JMJD1C: variants seen among roughly 807,000 people sequenced by gnomAD.
JMJD1C encodes the protein jumonji domain-containing protein 1C.
A neutral mutation model predicts 245.3 loss-of-function variants in JMJD1C; 31 were observed. The observed-to-expected ratio is 0.13, with a 90% CI of 0.09 to 0.17. The LOEUF (loss-of-function observed/expected upper bound fraction) is 0.17. JMJD1C is among the 10% of genes least tolerant of loss of function. The pLI is 1.00. For synonymous variants in JMJD1C, 1,057 were observed against 1,017.4 expected, an observed-to-expected ratio of 1.04 and a Z score of -0.74; for missense variants, 2,691 against 3,000.2, an observed-to-expected ratio of 0.90 and a Z score of 2.41.
chr10:63,267,964 A>T (rs556446976), intron 2 of JMJD1C, among the ~76,000 whole-genome samples: 2 of 152,136 alleles, frequency 1.3e-5, no homozygotes, highest in Non-Finnish European at 2.9e-5. Context: ...AAACATTTTT[A>T]AAATAAATCA....
intron 2 of JMJD1C, among the ~76,000 whole-genome samples, chr10:63,266,846 C>G (rs941618741): frequency 2.0e-5 from 3 of 152,082 alleles, no homozygotes; most frequent in Admixed American, 1.3e-4. Context: ...CCTATGAGAC[C>G]TAGTCATTTT....
intron 1 of JMJD1C, among the ~76,000 whole-genome samples, chr10:63,510,106 A>T (rs1426166759): frequency 6.6e-6 from 1 of 151,586 alleles, no homozygotes; most frequent in Non-Finnish European, 1.5e-5. Context: ...AGGTTCACAA[A>T]ATTCTCCTGC....
In JMJD1C at chr10:63,208,572, C is replaced by G; in HGVS notation, c.3097G>C (p.Ala1033Pro). ...RRILQESIDV[A>P]PFTTKIKGLE... ...CCCTTGATTTTAGTTGTAAAGGGAG[C>G]AACATCAATACTTTCTTGAAGAATT... is the stretch of plus-strand genomic sequence containing the variant. The change falls in exon 10 of 26, where the codon GCT (alanine) becomes CCT (proline). Residue 1033 changes from alanine (A) to proline (P), a missense_variant. This residue lies in a region of JMJD1C where 1,562 missense variants were observed against 1,490.7 expected (regional missense o/e 1.05). Transcript: ENST00000399262. 2 of 1,613,966 alleles carry G rather than the reference C, an allele frequency of 1.2e-6. No homozygotes were observed. Among genetic ancestry groups the G allele is most frequent in the Non-Finnish European group, 1.7e-6 (2 of 1,179,870 alleles).
intron 2 of JMJD1C, among the ~76,000 whole-genome samples, chr10:63,340,606 A>G (rs1251300353): frequency 6.6e-6 from 1 of 152,208 alleles, no homozygotes; most frequent in Non-Finnish European, 1.5e-5. Context: ...CTTACAAAAC[A>G]GTATGGTGCT....
intron 3 of JMJD1C, among the ~76,000 whole-genome samples, chr10:63,251,434 TGAAA>T (rs1371574666): frequency 6.6e-6 from 1 of 152,224 alleles, no homozygotes; most frequent in Non-Finnish European, 1.5e-5. Context: ...AGTGCAAATG[TGAAA>T]GATTCCTCAT....
chr10:63,303,020 A>G (rs1208058895), intron 2 of JMJD1C, among the ~76,000 whole-genome samples: 1 of 152,216 alleles, frequency 6.6e-6, no homozygotes, highest in Admixed American at 6.5e-5. Flanking sequence ...AGTATCTGGG[A>G]CTACAGGCAC....
Position 63,207,594 on chromosome 10 carries a change from C to T in JMJD1C, c.4075G>A (p.Val1359Met). ...GETGRIILPN[V>M]NSDSVHTKSE... is the part of the protein sequence containing the mutation. Reference sequence around the variant, plus strand: ...TTTGTGTGAACACTGTCTGAATTCACATTTGGCAAAATGATTCTTCCAGTT... The same window carrying T: ...TTTGTGTGAACACTGTCTGAATTCATATTTGGCAAAATGATTCTTCCAGTT... The change falls in exon 10 of 26, where the codon GTG becomes ATG. Residue 1359 changes from valine (V) to methionine (M), a missense_variant. Transcript: ENST00000399262. 6.2e-7 allele frequency: 1 copy of T among 1,614,164 alleles called. No homozygotes were observed. Among genetic ancestry groups the T allele is most frequent in the East Asian group, 2.2e-5 (1 of 44,892 alleles).
chr10:63,358,193 C>T (rs1321232543), intron 2 of JMJD1C, among the ~76,000 whole-genome samples: 1 of 152,066 alleles, frequency 6.6e-6, no homozygotes, highest in Non-Finnish European at 1.5e-5. Context: ...AAACTATCAT[C>T]TATTTTAGGA....
At chr10:63,263,818 G>A (rs1454920070) in intron 3 of JMJD1C, among the ~76,000 whole-genome samples, 1 of 151,648 alleles carries the variant, frequency 6.6e-6, no homozygotes, top group Non-Finnish European at 1.5e-5. Flanking sequence ...TGTCATCCCA[G>A]CTGCTCTGGA....
At chr10:63,341,815 T>G (rs1364301542) in intron 2 of JMJD1C, among the ~76,000 whole-genome samples, 1 of 152,170 alleles carries the variant, frequency 6.6e-6, no homozygotes, top group Non-Finnish European at 1.5e-5. Context: ...TTAACACACG[T>G]TCTTGAACGA....
At chr10:63,341,017 T>C (rs774452006) in intron 2 of JMJD1C, among the ~76,000 whole-genome samples, 39 of 152,252 alleles carry the variant, frequency 2.6e-4, no homozygotes, top group Middle Eastern at 6.8e-3. Context: ...TAGTGAGAAA[T>C]GCTGTACAAA....
chr10:63,204,728 T>G, intron 10 of JMJD1C: 1 of 985,454 alleles, frequency 1.0e-6, no homozygotes, highest in Non-Finnish European at 1.2e-6. Context: ...CTTCTGACTA[T>G]GCTTGCATTT....
At chr10:63,520,926 T>C (rs538828553) in intron 1 of JMJD1C, among the ~76,000 whole-genome samples, 1 of 152,320 alleles carries the variant, frequency 6.6e-6, no homozygotes, top group East Asian at 1.9e-4. Context: ...CCTTTGGTGC[T>C]GGGCCTCCGT....
chr10:63,196,617 A>T (rs542649295), intron 13 of JMJD1C, among the ~76,000 whole-genome samples: 19 of 152,328 alleles, frequency 1.2e-4, no homozygotes, highest in African/African-American at 4.1e-4. Flanking sequence ...AGCGGCCTGA[A>T]ATGAAAATGA....
At chr10:63,516,482 A>G (rs764952568) in intron 1 of JMJD1C, among the ~76,000 whole-genome samples, 3 of 152,222 alleles carry the variant, frequency 2.0e-5, no homozygotes, top group South Asian at 2.1e-4. Flanking sequence ...ACCTGAAATC[A>G]TAAGTCTATC....
intron 3 of JMJD1C, chr10:63,222,414 A>G: frequency 1.1e-6 from 1 of 920,962 alleles, no homozygotes; most frequent in South Asian, 1.3e-5. Flanking sequence ...TTTGAAAAGA[A>G]TAACCCTGAT....
chr10:63,333,558 G>A (rs1942389322), intron 2 of JMJD1C, among the ~76,000 whole-genome samples: 1 of 152,028 alleles, frequency 6.6e-6, no homozygotes, highest in African/African-American at 2.4e-5. Flanking sequence ...GAGAGAGAAA[G>A]AAAGGCAAAA....
At chr10:63,345,226 C>T (rs1943706607) in intron 2 of JMJD1C, among the ~76,000 whole-genome samples, 2 of 152,122 alleles carry the variant, frequency 1.3e-5, no homozygotes, top group Non-Finnish European at 2.9e-5. Flanking sequence ...GTGGCTAACG[C>T]CTGTAATCCC....
chr10:63,470,060 T>C (rs1203831346), upstream of JMJD1C, among the ~76,000 whole-genome samples: 2 of 152,178 alleles, frequency 1.3e-5, no homozygotes, highest in Non-Finnish European at 2.9e-5. Context: ...TCAGACTATG[T>C]AGGATTCCCC....
Sources: gnomAD v4.1 joint callset for allele counts (sites outside exome capture counted in the v4.1 genomes callset) on GRCh38, gnomAD v4.1.1 for gene constraint, gnomAD v4.1.1 regional missense constraint, MANE v1.5 for transcripts, NCBI Gene and HGNC (gene_info 2026-07-23, HGNC 2026-07-21) for gene names.